ATIC: variants seen among roughly 807,000 people sequenced by gnomAD.
ATIC encodes the protein 5-aminoimidazole-4-carboxamide ribonucleotide formyltransferase/IMP cyclohydrolase.
In ATIC, 64 loss-of-function variants were observed where a neutral mutation model predicts 72.5. That is an observed-to-expected ratio of 0.88 (90% confidence interval 0.72 to 1.09). ATIC has a LOEUF of 1.09. Ranked by LOEUF, ATIC falls within the 50% of genes least tolerant of loss-of-function variation. ATIC has a pLI of 0.00. For synonymous variants in ATIC, 281 were observed against 267.1 expected (o/e 1.05, Z -0.51); for missense variants, 787 against 732.4 (o/e 1.07, Z -0.86).
At chr2:215,354,953 C>A in the ATIC span, among the ~76,000 whole-genome samples, 2 of 151,828 alleles carry the variant, frequency 1.3e-5, no homozygotes, top group African/African-American at 4.8e-5. Flanking sequence ...TTGAATGAAC[C>A]CCGGGGAGGA....
chr2:215,323,810 G>A (rs1399949699), intron 4 of ATIC, among the ~76,000 whole-genome samples: 1 of 152,132 alleles, frequency 6.6e-6, no homozygotes, highest in East Asian at 1.9e-4. Context: ...TTTTGCTCTT[G>A]TTGCCCAAGG....
At chr2:215,365,435 G>T in the ATIC span, 1 of 1,499,322 alleles carries the variant, frequency 6.7e-7, no homozygotes, top group South Asian at 1.1e-5. Flanking sequence ...TTCTGTGAAT[G>T]AGAGTTACAG....
chr2:215,326,283 C>T (rs992846064), intron 6 of ATIC, 145 bp downstream of exon 6: 1 of 1,082,728 alleles, frequency 9.2e-7, no homozygotes. Context: ...ATGGAGAAAC[C>T]AGCTATTACA....
intron 9 of ATIC, 35 bp from the exon 10 acceptor site, chr2:215,334,881 ACTT>A: frequency 6.6e-7 from 1 of 1,506,128 alleles, no homozygotes; most frequent in Non-Finnish European, 9.2e-7. Flanking sequence ...GTATCAGGAT[ACTT>A]TGTGATAAAT....
At position 215,341,016 on chromosome 2, in the gene ATIC, G is replaced by T. The variant is rs554787419; in HGVS notation, c.1227+2109G>T. The stretch of plus-strand genomic sequence containing the variant: ...ATTTGCTGTAACAGAAGGAGATGAG[G>T]GGCTGCAGCTTGCTCCCAGGTCTGA... On this transcript the variant is annotated intron_variant, in intron 12 of 15. Coordinates refer to ENST00000236959, the MANE Select transcript of ATIC (RefSeq NM_004044.7). Among the ~76,000 whole-genome samples, 10 of 152,246 alleles carry T rather than the reference G, an allele frequency of 6.6e-5. No homozygotes were observed. The East Asian group carries it at 1.5e-3, about 24-fold the overall frequency.
At chr2:215,353,370 G>A (rs781370368), downstream of ATIC, among the ~76,000 whole-genome samples, 1 of 151,356 alleles carries the variant, frequency 6.6e-6, no homozygotes, top group South Asian at 2.1e-4. Flanking sequence ...CCAAACTCCT[G>A]TTGATTCCTG....
the ATIC span, chr2:215,365,658 A>G: frequency 6.2e-7 from 1 of 1,613,164 alleles, no homozygotes; most frequent in East Asian, 2.2e-5. Context: ...GTCAGGACCA[A>G]AAAGTTATTT....
At chr2:215,349,037 A>G in intron 14 of ATIC, 57 bp from the exon 15 acceptor site, 1 of 1,590,356 alleles carries the variant, frequency 6.3e-7, no homozygotes, top group Non-Finnish European at 8.6e-7. Flanking sequence ...GATTTGCACC[A>G]CATAGAACTA....
downstream of ATIC, among the ~76,000 whole-genome samples, chr2:215,351,250 G>A (rs769914841): frequency 4.6e-5 from 7 of 152,188 alleles, no homozygotes; most frequent in Non-Finnish European, 8.8e-5. Flanking sequence ...GCAACATCTG[G>A]CTTCAACCTC....
intron 5 of ATIC, 152 bp from the exon 6 acceptor site, chr2:215,325,835 G>C: frequency 1.1e-6 from 1 of 916,326 alleles, no homozygotes. Flanking sequence ...CAAAGTGCTG[G>C]GATTCCAGGC....
the ATIC span, among the ~76,000 whole-genome samples, chr2:215,355,791 C>T: frequency 1.0e-3 from 154 of 152,370 alleles, no homozygotes; most frequent in African/African-American, 3.6e-3. Context: ...AAGGCCCCCA[C>T]ATTCCTGTGC....
At chr2:215,361,525 A>T in the ATIC span, 3 of 1,478,672 alleles carry the variant, frequency 2.0e-6, no homozygotes, top group Non-Finnish European at 2.8e-6. Flanking sequence ...GCAGAGAGAC[A>T]TGCTTGTTCC....
At chr2:215,365,075 T>G in the ATIC span, 4 of 825,110 alleles carry the variant, frequency 4.8e-6, no homozygotes, top group Admixed American at 4.0e-5. Flanking sequence ...TGTCCTAAAT[T>G]TGTATCATCA....
intron 2 of ATIC, among the ~76,000 whole-genome samples, chr2:215,316,535 A>C (rs538062845): frequency 6.6e-6 from 1 of 152,286 alleles, no homozygotes; most frequent in East Asian, 1.9e-4. Flanking sequence ...GTGAATAATC[A>C]CTGTACTCCA....
At chr2:215,333,515 A>G (rs1228216513) in intron 9 of ATIC, 58 bp downstream of exon 9, 2 of 1,387,660 alleles carry the variant, frequency 1.4e-6, no homozygotes, top group East Asian at 4.7e-5. Flanking sequence ...ATTTTATCCT[A>G]AATAGAATAA....
chr2:215,333,311 T>C, intron 8 of ATIC, 39 bp from the exon 9 acceptor site: 4 of 1,572,624 alleles, frequency 2.5e-6, no homozygotes, highest in Non-Finnish European at 3.5e-6. Context: ...GTAGTAACTT[T>C]AGCTTTCTTT....
the ATIC span, among the ~76,000 whole-genome samples, chr2:215,366,958 G>A: frequency 6.6e-6 from 1 of 152,158 alleles, no homozygotes; most frequent in South Asian, 2.1e-4. Context: ...AGTCTATATT[G>A]AAAACACTGG....
the ATIC span, among the ~76,000 whole-genome samples, chr2:215,358,014 A>T: frequency 6.6e-6 from 1 of 152,162 alleles, no homozygotes; most frequent in Non-Finnish European, 1.5e-5. Flanking sequence ...AATGAGTTTC[A>T]TACCACTAGA....
chr2:215,358,178 C>G, the ATIC span, among the ~76,000 whole-genome samples: 1 of 151,984 alleles, frequency 6.6e-6, no homozygotes, highest in African/African-American at 2.4e-5. Flanking sequence ...TTGCATAATT[C>G]ACTTAGATTA....
Sources: gnomAD v4.1 joint callset for allele counts (sites outside exome capture counted in the v4.1 genomes callset) on GRCh38, gnomAD v4.1.1 for gene constraint, MANE v1.5 for transcripts, NCBI Gene and HGNC (gene_info 2026-07-23, HGNC 2026-07-21) for gene names.